The following HEPH variants were observed in gnomAD, a reference collection of about 807,000 sequenced individuals.
HEPH encodes the protein hephaestin.
HEPH carries 69 observed loss-of-function variants against 80.8 expected under a neutral mutation model. The ratio of observed to expected loss-of-function variants is 0.85; its 90% CI spans 0.70 to 1.04. The LOEUF (loss-of-function observed/expected upper bound fraction) is 1.04. Ranked by LOEUF, HEPH falls within the 50% of genes least tolerant of loss-of-function variation. The pLI is 0.00. For synonymous variants in HEPH, 431 were observed against 322.8 expected, an observed-to-expected ratio of 1.34 and a Z score of -3.60; for missense variants, 1,115 against 891.3, an observed-to-expected ratio of 1.25 and a Z score of -3.20.
At chrX:66,228,742 G>A (rs1291013704) in intron 15 of HEPH, among the ~76,000 whole-genome samples, 1 of 111,844 alleles carries the variant, frequency 8.9e-6, no homozygotes, top group East Asian at 2.8e-4. Context: ...CTCAAAAGAA[G>A]ATATACAAAT....
At chrX:66,223,820 T>C (rs2089759153) in intron 15 of HEPH, among the ~76,000 whole-genome samples, 1 of 112,140 alleles carries the variant, frequency 8.9e-6, no homozygotes, top group South Asian at 3.7e-4. Context: ...ACGTTCCTTA[T>C]ACACCTTGCA....
rs753727901 is a variant in HEPH, at chrX:66,254,827, G to A, written c.2564-208G>A. ...TGCCTTACTAGAGGATTGGACCTGG[G>A]CCTTTGAGGATAGGGAAAGTAGAAA... On this transcript the variant is annotated intron_variant, in intron 15 of 20. Transcript: ENST00000343002. Among the ~76,000 whole-genome samples, 30 of 106,645 alleles carry A rather than the reference G, an allele frequency of 2.8e-4. 1 individual carries two copies. The highest frequency in any genetic ancestry group is 8.9e-4 in the South Asian group (2 of 2,247). The allele number at this position is 106,645 out of a possible 115,157, so 92.6% of individuals were successfully genotyped here.
Position 66,266,797 on chromosome X carries a change from G to A in HEPH, c.*125G>A. 6.7e-6 allele frequency: 3 copies of A among 447,581 alleles called. No individual in the cohort carries two copies. The highest frequency in any genetic ancestry group is 1.2e-5 in the Non-Finnish European group (3 of 256,630). 36.9% of individuals were successfully genotyped at this position (447,581 alleles called of 1,213,427 possible). On this transcript the variant is annotated 3_prime_UTR_variant, in exon 21 of 21. Transcript: ENST00000343002. The stretch of plus-strand genomic sequence containing the variant: ...GTGGAGAAGCAGAAGGAGCAATCAA[G>A]CTTATCTGGATATTTCTTTCTTTAT...
At chrX:66,263,039 G>C (rs1052741329) in intron 19 of HEPH, among the ~76,000 whole-genome samples, 2 of 111,022 alleles carry the variant, frequency 1.8e-5, no homozygotes, top group Non-Finnish European at 3.8e-5. Context: ...AATTGAGGGA[G>C]AGGAAGACTG....
chrX:66,240,428 T>C (rs2090524408), intron 15 of HEPH, among the ~76,000 whole-genome samples: 1 of 109,682 alleles, frequency 9.1e-6, no homozygotes, highest in African/African-American at 3.3e-5. Context: ...GAAGAAAGAC[T>C]TCAAATAAAA....
intron 1 of HEPH, among the ~76,000 whole-genome samples, chrX:66,166,154 C>G (rs1431626834): frequency 9.0e-6 from 1 of 111,534 alleles, no homozygotes; most frequent in Non-Finnish European, 1.9e-5. Flanking sequence ...TGAACGCTTT[C>G]CACTGTACCA....
chrX:66,194,105 A>G (rs2087957130), intron 8 of HEPH, among the ~76,000 whole-genome samples: 1 of 111,992 alleles, frequency 8.9e-6, no homozygotes, highest in African/African-American at 3.3e-5. Context: ...CTGAACTTGA[A>G]GAAGGTATCT....
chrX:66,172,798 T>C (rs946116590), intron 3 of HEPH, among the ~76,000 whole-genome samples, 199 bp downstream of exon 3: 2 of 111,550 alleles, frequency 1.8e-5, no homozygotes, highest in African/African-American at 3.3e-5. Flanking sequence ...CTTGGACGAG[T>C]CATTGTCTCT....
chrX:66,258,280 G>C (rs1393955519), intron 17 of HEPH, among the ~76,000 whole-genome samples: 1 of 111,941 alleles, frequency 8.9e-6, no homozygotes, highest in Non-Finnish European at 1.9e-5. Flanking sequence ...ACAGGTGGAA[G>C]GGGATGCAGG....
chrX:66,166,872 A>G (rs1371258966), intron 1 of HEPH, among the ~76,000 whole-genome samples: 1 of 112,102 alleles, frequency 8.9e-6, no homozygotes, highest in Non-Finnish European at 1.9e-5. Flanking sequence ...ATGGGAATTT[A>G]TGAGTGTGCA....
chrX:66,189,761 G>A lies in HEPH; in HGVS notation c.886G>A (p.Gly296Ser). The A allele has an allele frequency of 1.7e-6, 2 of 1,211,143 alleles. No homozygotes were observed. Among genetic ancestry groups the A allele is most frequent in the Non-Finnish European group, 2.2e-6 (2 of 895,257 alleles). The change falls in exon 6 of 21, where the codon GGC (glycine) becomes AGC (serine). Residue 296 changes from glycine (G) to serine (S), a missense_variant. Gly to Ser is a moderately conservative substitution (Grantham distance 56). Coordinates refer to ENST00000343002, the MANE Select transcript of HEPH (RefSeq NM_001367233.3). ...GAAACGTGTGGCCTGGCACTTGTTT[G>A]GCATGGGCAATGAAATTGATGTCCA... ...AQKRVAWHLF[G>S]MGNEIDVHTA...
chrX:66,197,141 A>G (rs966230071), intron 9 of HEPH, among the ~76,000 whole-genome samples: 1 of 110,638 alleles, frequency 9.0e-6, no homozygotes, highest in Non-Finnish European at 1.9e-5. Context: ...TTGCTTGACC[A>G]TGTCTTGTGT....
intron 15 of HEPH, among the ~76,000 whole-genome samples, chrX:66,241,565 C>T (rs894959721): frequency 1.8e-5 from 2 of 111,274 alleles, no homozygotes; most frequent in Non-Finnish European, 3.8e-5. Context: ...CATAACTATC[C>T]TAAACATAAA....
intron 20 of HEPH, 112 bp downstream of exon 20, chrX:66,263,800 C>T: frequency 1.4e-6 from 1 of 695,326 alleles, no homozygotes; most frequent in Non-Finnish European, 2.2e-6. Flanking sequence ...TAGAATACAT[C>T]AGCAGAAAGT....
Position 66,192,278 on chromosome X carries a change from G to A in HEPH, c.1212G>A (p.Lys404=). The A allele has an allele frequency of 1.7e-6, 2 of 1,209,147 alleles. No individual in the cohort carries two copies. Among genetic ancestry groups the A allele is most frequent in the African/African-American group, 1.7e-5 (1 of 57,798 alleles). The change falls in exon 7 of 21, where the codon AAG becomes AAA. Residue 404 remains lysine (K), a synonymous_variant. Transcript: ENST00000343002. ...GPMGHDGSTG[K]NLREPGSISD... is the part of the protein sequence containing the mutation. Reference sequence around the variant, plus strand: ...TGGGGCATGATGGGAGTACTGGGAAGAATTTGAGAGAGCCAGGCAGGTAAG... The same window carrying A: ...TGGGGCATGATGGGAGTACTGGGAAAAATTTGAGAGAGCCAGGCAGGTAAG...
intron 9 of HEPH, among the ~76,000 whole-genome samples, chrX:66,196,602 C>T (rs1477875123): frequency 9.0e-6 from 1 of 111,306 alleles, no homozygotes; most frequent in African/African-American, 3.3e-5. Flanking sequence ...ATTTTTGGTA[C>T]CTACACCCAA....
intron 15 of HEPH, among the ~76,000 whole-genome samples, chrX:66,254,357 A>C (rs2091102759): frequency 9.0e-6 from 1 of 111,491 alleles, no homozygotes. Flanking sequence ...TAAAGATTAA[A>C]GTTTTGAGTC....
intron 15 of HEPH, among the ~76,000 whole-genome samples, chrX:66,234,579 GT>G (rs370098918): frequency 0.013 from 1,351 of 103,133 alleles, 25 homozygotes; most frequent in African/African-American, 0.041. Context: ...CCACCATCTG[GT>G]TTTTTTTTTT....
chrX:66,201,025 G>C (rs1219728994), intron 12 of HEPH, among the ~76,000 whole-genome samples: 2 of 111,498 alleles, frequency 1.8e-5, no homozygotes, highest in Non-Finnish European at 3.8e-5. Context: ...CTCAGCTTTA[G>C]TGAAGTTCTT....
Sources: allele counts gnomAD v4.1 joint callset (sites outside exome capture counted in the v4.1 genomes callset), GRCh38; gene constraint gnomAD v4.1.1; transcripts MANE v1.5; gene names NCBI Gene and HGNC (gene_info 2026-07-23, HGNC 2026-07-21).